USP34: variants seen among roughly 807,000 people sequenced by gnomAD.
The protein encoded by USP34 is ubiquitin specific peptidase 34, also known as ubiquitin carboxyl-terminal hydrolase 34.
A neutral mutation model predicts 460.3 loss-of-function variants in USP34; 70 were observed. The ratio of observed to expected loss-of-function variants is 0.15; its 90% CI spans 0.13 to 0.19. The LOEUF is 0.19. USP34 is among the 10% of genes least tolerant of loss of function. The probability of loss-of-function intolerance (pLI) is 1.00; values close to 1 mark genes in which losing one functional copy is unlikely to be tolerated. For synonymous variants in USP34, 1,647 were observed against 1,405.3 expected (o/e 1.17, Z -3.85); for missense variants, 3,985 against 4,236.2 (o/e 0.94, Z 1.65).
intron 34 of USP34, among the ~76,000 whole-genome samples, chr2:61,285,202 G>A (rs959888587): frequency 2.0e-5 from 3 of 152,080 alleles, no homozygotes; most frequent in Non-Finnish European, 4.4e-5. Flanking sequence ...GCAACTGTAG[G>A]CTGGGTATGG....
intron 1 of USP34, among the ~76,000 whole-genome samples, chr2:61,461,973 C>T (rs1374106594): frequency 6.6e-6 from 1 of 152,144 alleles, no homozygotes; most frequent in Non-Finnish European, 1.5e-5. Context: ...GACGCGGTGG[C>T]TCACACCTGT....
At chr2:61,395,139 A>T (rs1428890918) in intron 4 of USP34, 44 bp downstream of exon 4, 1 of 1,481,916 alleles carries the variant, frequency 6.7e-7, no homozygotes, top group Non-Finnish European at 9.2e-7. Context: ...CTTTGTTAAA[A>T]AAATAAAATT....
chr2:61,442,898 T>TACACACAACACAC (rs1695004870), intron 1 of USP34, among the ~76,000 whole-genome samples: 1 of 147,202 alleles, frequency 6.8e-6, no homozygotes, highest in Non-Finnish European at 1.5e-5. Context: ...GTGATGTGTG[T>TACACACAACACAC]ACACACACAC....
intron 1 of USP34, among the ~76,000 whole-genome samples, chr2:61,436,303 G>C (rs1694810603): frequency 6.6e-6 from 1 of 152,146 alleles, no homozygotes; most frequent in Non-Finnish European, 1.5e-5. Context: ...CTGTGCAACA[G>C]AGCACAACTC....
chr2:61,426,764 T>C (rs564011165), intron 1 of USP34, among the ~76,000 whole-genome samples: 27 of 152,224 alleles, frequency 1.8e-4, no homozygotes, highest in Admixed American at 9.8e-4. Flanking sequence ...AGACCCAGCA[T>C]AGTCCTAATT....
chr2:61,393,306 C>T (rs1693410214), intron 5 of USP34, among the ~76,000 whole-genome samples: 1 of 152,010 alleles, frequency 6.6e-6, no homozygotes, highest in Non-Finnish European at 1.5e-5. Flanking sequence ...TGGCATACGC[C>T]TGTAGTCCCA....
chr2:61,232,208 G>A (rs972993971), intron 58 of USP34, among the ~76,000 whole-genome samples: 6 of 152,068 alleles, frequency 3.9e-5, no homozygotes, highest in African/African-American at 7.2e-5. Context: ...AAAAGAACAG[G>A]AAATTACAGT....
intron 1 of USP34, among the ~76,000 whole-genome samples, chr2:61,450,690 G>C (rs1245785371): frequency 6.6e-6 from 1 of 151,838 alleles, no homozygotes; most frequent in African/African-American, 2.4e-5. Flanking sequence ...AAATATCCAG[G>C]AGTACATGTA....
intron 51 of USP34, among the ~76,000 whole-genome samples, chr2:61,243,829 C>A (rs1161560972): frequency 6.7e-6 from 1 of 150,200 alleles, no homozygotes; most frequent in Non-Finnish European, 1.5e-5. Context: ...AAGATCACGC[C>A]ACTGTACCCC....
At chr2:61,387,083 G>A (rs573804788) in intron 5 of USP34, among the ~76,000 whole-genome samples, 76 of 152,194 alleles carry the variant, frequency 5.0e-4, no homozygotes, top group African/African-American at 1.6e-3. Flanking sequence ...GCAAATGGGC[G>A]AGAGATTTAA....
chr2:61,408,887 C>G (rs1693958113), intron 2 of USP34, among the ~76,000 whole-genome samples: 1 of 151,928 alleles, frequency 6.6e-6, no homozygotes, highest in Non-Finnish European at 1.5e-5. Context: ...GAGTGAGACA[C>G]TCCCTCTCAA....
intron 19 of USP34, among the ~76,000 whole-genome samples, chr2:61,333,416 C>T (rs1691328843): frequency 6.6e-6 from 1 of 152,004 alleles, no homozygotes; most frequent in South Asian, 2.1e-4. Flanking sequence ...CCTACTGATG[C>T]TCCAAAAATG....
chr2:61,457,322 C>T (rs1382482189), intron 1 of USP34, among the ~76,000 whole-genome samples: 2 of 152,144 alleles, frequency 1.3e-5, no homozygotes, highest in African/African-American at 2.4e-5. Context: ...AAGGGCCAAA[C>T]TGAGGTCAAA....
intron 10 of USP34, among the ~76,000 whole-genome samples, chr2:61,357,208 A>G (rs757839339): frequency 2.2e-4 from 33 of 152,228 alleles, no homozygotes; most frequent in Non-Finnish European, 3.7e-4. Context: ...GTCTCAACAG[A>G]TATTAAAATA....
intron 67 of USP34, among the ~76,000 whole-genome samples, chr2:61,217,197 A>G (rs1314025436): frequency 6.6e-6 from 1 of 152,212 alleles, no homozygotes; most frequent in African/African-American, 2.4e-5. Context: ...ACAGACAGGA[A>G]GGTTAATTTG....
At chr2:61,429,284 A>G (rs527529690) in intron 1 of USP34, among the ~76,000 whole-genome samples, 1 of 152,196 alleles carries the variant, frequency 6.6e-6, no homozygotes, top group East Asian at 1.9e-4. Flanking sequence ...CGTCTCTACT[A>G]AAAATACAAA....
chr2:61,204,753 C>T lies in USP34; in HGVS notation c.9155-152G>A, dbSNP rs922600969. ...ACACGAGTAGAAATTCTGTCTTATG[C>T]TCAATCAAGTTTAGATCAACAGAGT... is the stretch of plus-strand genomic sequence containing the variant. On this transcript the variant is annotated intron_variant, in intron 72 of 79. Coordinates refer to ENST00000398571, the MANE Select transcript of USP34 (RefSeq NM_014709.4). The T allele has an allele frequency of 1.3e-5, 8 of 635,902 alleles. No homozygotes were observed. In the African/African-American group the frequency reaches 1.5e-4, roughly 12 times the overall value. 39.4% of individuals were successfully genotyped at this position (635,902 alleles called of 1,614,324 possible).
At chr2:61,249,296 C>T (rs1450149775) in intron 48 of USP34, among the ~76,000 whole-genome samples, 1 of 152,108 alleles carries the variant, frequency 6.6e-6, no homozygotes, top group African/African-American at 2.4e-5. Flanking sequence ...ACAAACAGTA[C>T]AATACTGCGA....
rs749704721 is a variant in USP34 at position 61,319,131 on chromosome 2, G to A, written c.3168+42C>T. 3 of 1,510,536 alleles carry A rather than the reference G, an allele frequency of 2.0e-6. No individual in the cohort carries two copies. The Admixed American group carries it at 7.7e-5, about 39-fold the overall frequency. The allele number at this position is 1,510,536 out of a possible 1,614,324, so 93.6% of individuals were successfully genotyped here. A position where few individuals can be genotyped will look rare whatever the true frequency, so the allele number is the denominator to read the frequency against. ...TTCGTATTTCAAGAGATGAAAAAGGGAACATGGAAAAATAATAACAAACTG... is the reference window on the plus strand; with the variant it reads ...TTCGTATTTCAAGAGATGAAAAAGGAAACATGGAAAAATAATAACAAACTG... On this transcript the variant is annotated intron_variant, in intron 22 of 79. Transcript: ENST00000398571.
Sources: gnomAD v4.1 joint callset for allele counts (sites outside exome capture counted in the v4.1 genomes callset) on GRCh38, gnomAD v4.1.1 for gene constraint, MANE v1.5 for transcripts, NCBI Gene and HGNC (gene_info 2026-07-23, HGNC 2026-07-21) for gene names.